PDE1A: variants seen among roughly 807,000 people sequenced by gnomAD.
The protein encoded by PDE1A is dual specificity calcium/calmodulin-dependent 3',5'-cyclic nucleotide phosphodiesterase 1A.
Under a neutral mutation model 61.7 loss-of-function variants are expected in PDE1A, and 35 were observed. The observed-to-expected ratio is 0.57, with a 90% CI of 0.43 to 0.75. The LOEUF is 0.75. Among genes scored for constraint, PDE1A ranks in the 30% least tolerant of loss-of-function variants. The probability of loss-of-function intolerance (pLI) is 0.00; values close to 1 mark genes in which losing one functional copy is unlikely to be tolerated. For synonymous variants in PDE1A, 232 were observed against 213.2 expected (o/e 1.09, Z -0.77); for missense variants, 597 against 630.6 (o/e 0.95, Z 0.57).
At chr2:182,310,701 A>G (rs1695907966) in intron 1 of PDE1A, among the ~76,000 whole-genome samples, 1 of 152,116 alleles carries the variant, frequency 6.6e-6, no homozygotes, top group Non-Finnish European at 1.5e-5. Flanking sequence ...CCTAAAGCCA[A>G]ACTGAACTCC....
intron 2 of PDE1A, among the ~76,000 whole-genome samples, chr2:182,455,624 G>A (rs1026278707): frequency 3.3e-5 from 5 of 152,004 alleles, no homozygotes; most frequent in Middle Eastern, 3.2e-3. Flanking sequence ...GGATGAAACC[G>A]GAAGCCATCA....
downstream of PDE1A, among the ~76,000 whole-genome samples, chr2:182,145,579 A>C (rs867806280): frequency 6.6e-6 from 1 of 152,046 alleles, no homozygotes; most frequent in African/African-American, 2.4e-5. Context: ...ATACAAAAAA[A>C]TTAGCCAGGC....
the PDE1A span, among the ~76,000 whole-genome samples, chr2:182,615,027 A>C: frequency 1.3e-5 from 2 of 152,258 alleles, no homozygotes; most frequent in African/African-American, 4.8e-5. Context: ...GTTAGTCAGA[A>C]TATTTCATAA....
chr2:182,424,948 A>C (rs1321212317), intron 1 of PDE1A, among the ~76,000 whole-genome samples: 1 of 152,200 alleles, frequency 6.6e-6, no homozygotes, highest in Non-Finnish European at 1.5e-5. Context: ...AACAAATTTT[A>C]TTCTAATTAT....
chr2:182,423,021 C>T (rs955906178), intron 1 of PDE1A, among the ~76,000 whole-genome samples: 6 of 152,134 alleles, frequency 3.9e-5, no homozygotes, highest in African/African-American at 1.4e-4. Context: ...CTGGAAGAGC[C>T]TGTGCAGGCA....
intron 1 of PDE1A, among the ~76,000 whole-genome samples, chr2:182,273,550 T>A (rs543847624): frequency 1.3e-5 from 2 of 152,028 alleles, no homozygotes; most frequent in East Asian, 3.9e-4. Context: ...ATATTTCAGG[T>A]TTGAGGTAGA....
chr2:182,485,978 C>A (rs190604545), intron 2 of PDE1A, among the ~76,000 whole-genome samples: 249 of 151,894 alleles, frequency 1.6e-3, no homozygotes, highest in African/African-American at 5.8e-3. Context: ...CAAATCAGAG[C>A]AATTACAGGC....
At chr2:182,411,710 C>T (rs1237696606) in intron 1 of PDE1A, among the ~76,000 whole-genome samples, 1 of 152,076 alleles carries the variant, frequency 6.6e-6, no homozygotes, top group African/African-American at 2.4e-5. Flanking sequence ...TTGGTCTTTA[C>T]AACTAAAAGG....
downstream of PDE1A, among the ~76,000 whole-genome samples, chr2:182,143,458 C>A (rs1690324650): frequency 6.6e-6 from 1 of 151,974 alleles, no homozygotes; most frequent in African/African-American, 2.4e-5. Context: ...ACTTTACATA[C>A]CTTGTCAAAA....
At chr2:182,576,534 CA>C in the PDE1A span, among the ~76,000 whole-genome samples, 1 of 152,100 alleles carries the variant, frequency 6.6e-6, no homozygotes, top group Non-Finnish European at 1.5e-5. Context: ...CATCAGTGTA[CA>C]AATATTTCTT....
chr2:182,646,915 TA>T, the PDE1A span, among the ~76,000 whole-genome samples: 8 of 152,178 alleles, frequency 5.3e-5, no homozygotes, highest in Non-Finnish European at 1.5e-5. Context: ...TCTCTGGTAA[TA>T]AACTGGTTTC....
intron 1 of PDE1A, among the ~76,000 whole-genome samples, chr2:182,360,986 T>C (rs1214572340): frequency 6.6e-6 from 1 of 152,100 alleles, no homozygotes; most frequent in African/African-American, 2.4e-5. Flanking sequence ...TTCTTCTAGA[T>C]ACATTATTAG....
At chr2:182,501,189 C>A (rs550307408) in intron 2 of PDE1A, among the ~76,000 whole-genome samples, 1 of 152,192 alleles carries the variant, frequency 6.6e-6, no homozygotes, top group African/African-American at 2.4e-5. Context: ...GTGACATAAT[C>A]ATCACATCCT....
chr2:182,365,252 G>A (rs925031993), intron 1 of PDE1A, among the ~76,000 whole-genome samples: 2 of 151,998 alleles, frequency 1.3e-5, no homozygotes, highest in African/African-American at 2.4e-5. Flanking sequence ...CAAATGTGCA[G>A]TTGCAATCAT....
intron 2 of PDE1A, among the ~76,000 whole-genome samples, chr2:182,518,419 G>C (rs1690349762): frequency 6.6e-6 from 1 of 151,836 alleles, no homozygotes; most frequent in South Asian, 2.1e-4. Flanking sequence ...CTTCACTATT[G>C]ATAGTCATGT....
intron 1 of PDE1A, among the ~76,000 whole-genome samples, chr2:182,293,221 G>A (rs951398885): frequency 6.6e-6 from 1 of 152,022 alleles, no homozygotes; most frequent in African/African-American, 2.4e-5. Flanking sequence ...AAAGAAAGTT[G>A]CATCAAATTC....
intron 10 of PDE1A, 151 bp downstream of exon 10, chr2:182,201,288 A>G: frequency 1.2e-6 from 1 of 836,718 alleles, no homozygotes; most frequent in South Asian, 1.8e-5. Flanking sequence ...TTTCTGATAG[A>G]CTAATAAATT....
chr2:182,500,055 C>T (rs181496441), intron 2 of PDE1A, among the ~76,000 whole-genome samples: 3 of 152,214 alleles, frequency 2.0e-5, no homozygotes, highest in African/African-American at 4.8e-5. Context: ...ACAGAAGAAG[C>T]ACATGATGGT....
the PDE1A span, among the ~76,000 whole-genome samples, chr2:182,637,541 C>T: frequency 6.6e-6 from 1 of 152,100 alleles, no homozygotes; most frequent in Non-Finnish European, 1.5e-5. Flanking sequence ...ATCAGTGTGG[C>T]TAATATAAGA....
Sources: gnomAD v4.1 joint callset for allele counts (sites outside exome capture counted in the v4.1 genomes callset) on GRCh38, gnomAD v4.1.1 for gene constraint, MANE v1.5 for transcripts, NCBI Gene and HGNC (gene_info 2026-07-23, HGNC 2026-07-21) for gene names.